The following P2RX5 variants were observed in gnomAD, a reference collection of about 807,000 sequenced individuals.
P2RX5 encodes the protein purinergic receptor P2X 5.
P2RX5 carries 46 observed loss-of-function variants against 54.1 expected under a neutral mutation model. The observed-to-expected ratio is 0.85, with a 90% CI of 0.67 to 1.09. P2RX5 has a LOEUF of 1.09. Ranked by LOEUF, P2RX5 falls within the 50% of genes least tolerant of loss-of-function variation. The probability of loss-of-function intolerance (pLI) is 0.00; values close to 1 mark genes in which losing one functional copy is unlikely to be tolerated. For synonymous variants in P2RX5, 226 were observed against 226.4 expected (o/e 1.00, Z 0.02); for missense variants, 566 against 549.8 (o/e 1.03, Z -0.29).
intron 2 of P2RX5, 56 bp from the exon 3 acceptor site, chr17:3,691,083 A>C: frequency 1.5e-6 from 2 of 1,297,902 alleles, no homozygotes; most frequent in Middle Eastern, 1.8e-4. Context: ...GGACCACCCC[A>C]CCTTTCCAGC....
intron 2 of P2RX5, 148 bp from the exon 3 acceptor site, chr17:3,691,175 C>T (rs1168567207): frequency 7.4e-6 from 5 of 672,966 alleles, no homozygotes; most frequent in Middle Eastern, 2.9e-4. Flanking sequence ...CCCATCTGCT[C>T]ATGGACCCCA....
chr17:3,707,487 G>T, the P2RX5 span, among the ~76,000 whole-genome samples: 1 of 152,112 alleles, frequency 6.6e-6, no homozygotes, highest in Non-Finnish European at 1.5e-5. Flanking sequence ...AAATCAAAAA[G>T]GTTTGCAGCA....
At chr17:3,696,411 G>C (rs2050760257), upstream of P2RX5, 1 of 158,746 alleles carries the variant, frequency 6.3e-6, no homozygotes, top group Non-Finnish European at 1.4e-5. Flanking sequence ...CGGAGGAGAG[G>C]AAGTGAAAGG....
At chr17:3,697,274 C>T (rs184765815), upstream of P2RX5, among the ~76,000 whole-genome samples, 1 of 152,332 alleles carries the variant, frequency 6.6e-6, no homozygotes, top group East Asian at 1.9e-4. Flanking sequence ...AGAACTGATC[C>T]ATGCAGCTAT....
At chr17:3,684,627 G>A (rs1223869668) in intron 9 of P2RX5, among the ~76,000 whole-genome samples, 2 of 151,958 alleles carry the variant, frequency 1.3e-5, no homozygotes, top group Non-Finnish European at 2.9e-5. Context: ...TCAGGGTCTG[G>A]GAAAATATAG....
At chr17:3,685,428 G>T (rs982580621) in intron 9 of P2RX5, 1 of 153,498 alleles carries the variant, frequency 6.5e-6, no homozygotes, top group African/African-American at 2.4e-5. Context: ...ACTGGGACAC[G>T]GTCCTCCTGA....
At chr17:3,708,311 C>T in the P2RX5 span, among the ~76,000 whole-genome samples, 10 of 152,110 alleles carry the variant, frequency 6.6e-5, no homozygotes, top group Non-Finnish European at 1.5e-4. Context: ...AGTCAAATCA[C>T]CCTTACTTGC....
chr17:3,714,970 T>C, the P2RX5 span: 1 of 1,384,528 alleles, frequency 7.2e-7, no homozygotes, highest in South Asian at 1.2e-5. Flanking sequence ...AAAGTCCAGT[T>C]ACAGGCCAAA....
At chr17:3,712,102 G>T in the P2RX5 span, among the ~76,000 whole-genome samples, 1 of 152,110 alleles carries the variant, frequency 6.6e-6, no homozygotes, top group African/African-American at 2.4e-5. Context: ...TGAAAACTTG[G>T]ACACAACTCC....
At chr17:3,696,259 T>G, upstream of P2RX5, 1 of 283,340 alleles carries the variant, frequency 3.5e-6, no homozygotes, top group Middle Eastern at 9.2e-4. Context: ...ACCTTGCCGC[T>G]ACCTCTTCTT....
the P2RX5 span, among the ~76,000 whole-genome samples, chr17:3,709,055 G>C: frequency 6.6e-6 from 1 of 152,020 alleles, no homozygotes; most frequent in Non-Finnish European, 1.5e-5. Flanking sequence ...GTGTTCAAGC[G>C]ATTCTCCTGC....
At chr17:3,679,031 C>A (rs2050166795) in intron 11 of P2RX5, among the ~76,000 whole-genome samples, 1 of 152,168 alleles carries the variant, frequency 6.6e-6, no homozygotes, top group Non-Finnish European at 1.5e-5. Context: ...GCCGGGGCAG[C>A]CCCAGAATCG....
the P2RX5 span, among the ~76,000 whole-genome samples, chr17:3,720,787 T>C: frequency 6.6e-6 from 1 of 152,154 alleles, no homozygotes; most frequent in Non-Finnish European, 1.5e-5. Context: ...TTTGCCATGT[T>C]GGCCAGGCTT....
intron 10 of P2RX5, among the ~76,000 whole-genome samples, chr17:3,680,407 C>T (rs2050228994): frequency 1.5e-5 from 2 of 137,000 alleles, no homozygotes; most frequent in Middle Eastern, 5.0e-3. Flanking sequence ...GCATCCTCCA[C>T]CCAGCGTCCT....
At chr17:3,695,385 C>G (rs2050728591) in intron 1 of P2RX5, among the ~76,000 whole-genome samples, 1 of 152,072 alleles carries the variant, frequency 6.6e-6, no homozygotes, top group Non-Finnish European at 1.5e-5. Flanking sequence ...CGGAAGGGAG[C>G]TCAGGAACAT....
At chr17:3,698,130 C>T (rs1456398672), upstream of P2RX5, among the ~76,000 whole-genome samples, 1 of 151,932 alleles carries the variant, frequency 6.6e-6, no homozygotes, top group East Asian at 1.9e-4. Context: ...GTCATCTTGG[C>T]TCTCCTGCCA....
At chr17:3,707,609 G>C in the P2RX5 span, among the ~76,000 whole-genome samples, 1 of 152,094 alleles carries the variant, frequency 6.6e-6, no homozygotes, top group Non-Finnish European at 1.5e-5. Context: ...AAAGCCAAGA[G>C]CTCGAAAACG....
intron 2 of P2RX5, 98 bp from the exon 3 acceptor site, chr17:3,691,125 G>T: frequency 1.1e-6 from 1 of 888,782 alleles, no homozygotes; most frequent in Non-Finnish European, 1.8e-6. Flanking sequence ...CCTCTGCCTG[G>T]GTTTTGGGGA....
At chr17:3,675,107 T>TC (rs1223616067) in intron 11 of P2RX5, among the ~76,000 whole-genome samples, 3 of 152,210 alleles carry the variant, frequency 2.0e-5, no homozygotes, top group African/African-American at 7.2e-5. Flanking sequence ...TGGCACGATC[T>TC]TGGATCACTG....
Sources: allele counts gnomAD v4.1 joint callset (sites outside exome capture counted in the v4.1 genomes callset), GRCh38; gene constraint gnomAD v4.1.1; transcripts MANE v1.5; gene names NCBI Gene and HGNC (gene_info 2026-07-23, HGNC 2026-07-21).